The following EPC1 variants were observed in gnomAD, a reference collection of about 807,000 sequenced individuals.
EPC1 encodes enhancer of polycomb 1.
In EPC1, 12 loss-of-function variants were observed where a neutral mutation model predicts 98.4. The observed-to-expected ratio is 0.12, with a 90% confidence interval of 0.08 to 0.20. EPC1 has a LOEUF of 0.20. EPC1 is among the 10% of genes least tolerant of loss of function. The probability of loss-of-function intolerance (pLI) is 1.00; values close to 1 mark genes in which losing one functional copy is unlikely to be tolerated. For missense variants in EPC1, 729 were observed against 990.5 expected, an observed-to-expected ratio of 0.74 and a Z score of 3.54; for synonymous variants, 357 against 363.9, an observed-to-expected ratio of 0.98 and a Z score of 0.21.
intron 1 of EPC1, among the ~76,000 whole-genome samples, chr10:32,344,567 C>T (rs908618762): frequency 2.0e-5 from 3 of 152,170 alleles, no homozygotes; most frequent in Non-Finnish European, 4.4e-5. Context: ...GGGCGGATCA[C>T]CTGAGGTCAG....
intron 2 of EPC1, among the ~76,000 whole-genome samples, chr10:32,299,564 T>TCA (rs57095100): frequency 0.75 from 112,926 of 149,984 alleles, 46,356 homozygotes; most frequent in East Asian, 0.98. Flanking sequence ...ATCATCATCA[T>TCA]TATTATTATT....
At chr10:32,304,098 A>T (rs1358571569) in intron 2 of EPC1, among the ~76,000 whole-genome samples, 1 of 152,192 alleles carries the variant, frequency 6.6e-6, no homozygotes, top group Non-Finnish European at 1.5e-5. Flanking sequence ...TTAATATTTG[A>T]TTATAATGTC....
chr10:32,315,205 T>C (rs1173347378), intron 1 of EPC1, among the ~76,000 whole-genome samples: 2 of 152,312 alleles, frequency 1.3e-5, no homozygotes, highest in South Asian at 4.1e-4. Flanking sequence ...GTATAATATT[T>C]TGGCTTACTG....
In EPC1 at chr10:32,323,201, C is replaced by G. The variant is rs567128065; in HGVS notation, c.154-17270G>C. 5.9e-5 allele frequency among the ~76,000 whole-genome samples: 9 copies of G among 152,204 alleles called. 1 individual carries two copies. In the South Asian group the frequency reaches 1.9e-3, roughly 32 times the overall value. Reference sequence around the variant, plus strand: ...ACTTCAGACTAAAACTAAAAATAATCTTACAGGTTTTTCTTCCTTTTCACC... The same window carrying G: ...ACTTCAGACTAAAACTAAAAATAATGTTACAGGTTTTTCTTCCTTTTCACC... On this transcript the variant is annotated intron_variant, in intron 1 of 13. Transcript: ENST00000319778.
chr10:32,338,513 C>T (rs1433053746), intron 1 of EPC1, among the ~76,000 whole-genome samples: 1 of 152,142 alleles, frequency 6.6e-6, no homozygotes, highest in Non-Finnish European at 1.5e-5. Flanking sequence ...CTCATGGTAG[C>T]CTAACAATCC....
intron 1 of EPC1, among the ~76,000 whole-genome samples, chr10:32,360,029 A>C (rs1293857340): frequency 6.8e-6 from 1 of 147,894 alleles, no homozygotes; most frequent in Non-Finnish European, 1.5e-5. Context: ...GTTTTGTATC[A>C]TTCATGTTTG....
At chr10:32,318,945 C>T (rs1162237674) in intron 1 of EPC1, among the ~76,000 whole-genome samples, 1 of 152,118 alleles carries the variant, frequency 6.6e-6, no homozygotes, top group Admixed American at 6.5e-5. Flanking sequence ...GAAACAGGTC[C>T]TCATGACCTA....
At position 32,271,657 on chromosome 10, in the gene EPC1, T is replaced by C. The variant is rs1835849103; in HGVS notation, c.2266A>G (p.Arg756Gly). Reference protein sequence around the residue: ...IAPINARHIPRTLSAVPSSAL... With the variant: ...IAPINARHIPGTLSAVPSSAL... ...GATGATGGAACAGCACTTAAAGTCC[T>C]AGGTATATGTCGTGCATTTATTGGG... Residue 756 changes from arginine (R) to glycine (G), a missense_variant, in exon 13 of 14, where the codon AGG becomes GGG. Arg to Gly is a moderately radical substitution (Grantham distance 125, BLOSUM62 -2). This residue lies in a region of EPC1 where 156 missense variants were observed against 188.9 expected (regional missense o/e 0.83). Coordinates refer to ENST00000319778, the MANE Select transcript of EPC1 (RefSeq NM_001272004.3). 6 of 1,614,114 alleles carry C rather than the reference T, an allele frequency of 3.7e-6. No individual in the cohort carries two copies. Among genetic ancestry groups the C allele is most frequent in the African/African-American group, 1.3e-5 (1 of 74,942 alleles).
At chr10:32,273,656 G>C (rs528470133) in intron 10 of EPC1, among the ~76,000 whole-genome samples, 2 of 152,098 alleles carry the variant, frequency 1.3e-5, no homozygotes, top group South Asian at 2.1e-4. Flanking sequence ...CTGAGCTTGA[G>C]AGAATATCTG....
chr10:32,345,040 A>C lies in EPC1; in HGVS notation c.153+1723T>G, dbSNP rs1838667132. On this transcript the variant is annotated intron_variant, in intron 1 of 13. Coordinates refer to ENST00000319778, the MANE Select transcript of EPC1 (RefSeq NM_001272004.3). ...AAATTAATTTCCAGGGCAGGGTAAA[A>C]CCAACACCCCAATACTTGAAAGTAT... is the stretch of plus-strand genomic sequence containing the variant. 3 of 675,546 alleles carry C rather than the reference A, an allele frequency of 4.4e-6. No individual in the cohort carries two copies. The South Asian group carries it at 2.0e-4, about 45-fold the overall frequency. The allele number at this position is 675,546 out of a possible 1,614,324, so 41.8% of individuals were successfully genotyped here.
upstream of EPC1, among the ~76,000 whole-genome samples, chr10:32,348,066 A>G (rs1592629707): frequency 6.7e-6 from 1 of 149,280 alleles, no homozygotes; most frequent in Admixed American, 6.6e-5. Flanking sequence ...TCTGTACTCA[A>G]AGAGACTGCG....
chr10:32,358,021 AT>A (rs2133095757), intron 1 of EPC1, among the ~76,000 whole-genome samples: 1 of 151,498 alleles, frequency 6.6e-6, no homozygotes, highest in Admixed American at 6.6e-5. Flanking sequence ...TACCCAGCTA[AT>A]TTTTGTATTT....
At chr10:32,305,420 ACT>A (rs1835818949) in intron 2 of EPC1, among the ~76,000 whole-genome samples, 1 of 152,132 alleles carries the variant, frequency 6.6e-6, no homozygotes, top group East Asian at 1.9e-4. Flanking sequence ...AAGTCTGCTG[ACT>A]CTCACTTACA....
intron 10 of EPC1, among the ~76,000 whole-genome samples, chr10:32,275,635 C>A (rs1416034782): frequency 6.6e-6 from 1 of 151,292 alleles, no homozygotes; most frequent in African/African-American, 2.4e-5. Context: ...ATTAGCCGGG[C>A]GTGGTGGCAC....
chr10:32,346,719 G>A (rs1216838658), intron 1 of EPC1, 44 bp downstream of exon 1: 5 of 1,573,000 alleles, frequency 3.2e-6, no homozygotes, highest in East Asian at 2.3e-5. Flanking sequence ...GGCAGCAGAG[G>A]GAGCGGGCCT....
At chr10:32,289,297 ACCCTCC>A (rs1158709143) in intron 6 of EPC1, among the ~76,000 whole-genome samples, 1 of 60,032 alleles carries the variant, frequency 1.7e-5, no homozygotes, top group Non-Finnish European at 3.5e-5. Flanking sequence ...TCTCCCTCCC[ACCCTCC>A]CCTACGTTTT....
intron 10 of EPC1, chr10:32,283,954 A>T (rs894610803): frequency 6.6e-6 from 1 of 152,214 alleles, no homozygotes; most frequent in African/African-American, 2.4e-5. Context: ...AAGCAACTTA[A>T]CTATAACCCT....
intron 1 of EPC1, among the ~76,000 whole-genome samples, chr10:32,318,921 C>T (rs1836717747): frequency 6.6e-6 from 1 of 152,164 alleles, no homozygotes; most frequent in Non-Finnish European, 1.5e-5. Flanking sequence ...TGGTGAAATT[C>T]AAACTTGCCT....
chr10:32,343,057 CACCA>C (rs908224474), intron 1 of EPC1, among the ~76,000 whole-genome samples: 14 of 152,234 alleles, frequency 9.2e-5, no homozygotes, highest in African/African-American at 3.1e-4. Context: ...ATATGCCCCA[CACCA>C]ACCAAGCACT....
Sources: allele counts gnomAD v4.1 joint callset (sites outside exome capture counted in the v4.1 genomes callset), GRCh38; gene constraint gnomAD v4.1.1; regional missense constraint gnomAD v4.1.1; transcripts MANE v1.5; gene names NCBI Gene and HGNC (gene_info 2026-07-23, HGNC 2026-07-21).